UBR4: variants seen among roughly 807,000 people sequenced by gnomAD.
UBR4 encodes the protein E3 ubiquitin-protein ligase UBR4.
A neutral mutation model predicts 575.6 loss-of-function variants in UBR4; 124 were observed. The ratio of observed to expected loss-of-function variants is 0.22; its 90% CI spans 0.19 to 0.25. The LOEUF (loss-of-function observed/expected upper bound fraction) is 0.25, where lower values mean the gene tolerates loss of function less well. Ranked by LOEUF, UBR4 falls within the 10% of genes least tolerant of loss-of-function variation. The pLI is 1.00. For synonymous variants in UBR4, 2,455 were observed against 2,473.7 expected, an observed-to-expected ratio of 0.99 and a Z score of 0.22; for missense variants, 4,818 against 6,478.8, an observed-to-expected ratio of 0.74 and a Z score of 8.80.
chr1:19,185,000 G>A, intron 15 of UBR4, 99 bp downstream of exon 15: 3 of 1,451,042 alleles, frequency 2.1e-6, no homozygotes, highest in South Asian at 2.4e-5. Flanking sequence ...AAACATTACA[G>A]TTATCCAAGC....
intron 3 of UBR4, among the ~76,000 whole-genome samples, chr1:19,199,171 C>T (rs2092622046): frequency 6.6e-6 from 1 of 152,212 alleles, no homozygotes; most frequent in South Asian, 2.1e-4. Context: ...CTGAAATTCT[C>T]ACGCTCAAAT....
rs771557927 is a variant in UBR4 at position 19,167,071 on chromosome 1, G to A, written c.4060C>T (p.Leu1354=). 1.9e-6 allele frequency: 3 copies of A among 1,614,092 alleles called. No homozygotes were observed. In the African/African-American group the frequency reaches 4.0e-5, roughly 22 times the overall value. The stretch of plus-strand genomic sequence containing the variant: ...AGAATGTTGTAACAACCAGTGATCA[G>A]CTTCTCATAAACACGAGCCAAGAAC... The part of the protein sequence containing the change: ...DEFLARVYEK[L]ITGCYNILAN... The change falls in exon 29 of 106, where the codon CTG becomes TTG. Residue 1354 remains leucine (L), a synonymous_variant. Transcript: ENST00000375254.
chr1:19,140,594 A>C (rs2083770836), intron 58 of UBR4, among the ~76,000 whole-genome samples, 194 bp downstream of exon 58: 1 of 152,252 alleles, frequency 6.6e-6, no homozygotes, highest in African/African-American at 2.4e-5. Context: ...GCAAAGTGTG[A>C]GGAAGCGGAG....
At chr1:19,141,883 G>T in intron 55 of UBR4, 106 bp from the exon 56 acceptor site, 1 of 1,504,012 alleles carries the variant, frequency 6.6e-7, no homozygotes, top group South Asian at 1.3e-5. Context: ...CTACCAGCTA[G>T]CACCCTGGGC....
intron 17 of UBR4, among the ~76,000 whole-genome samples, chr1:19,180,541 C>CAAA (rs11409299): frequency 1.3e-4 from 14 of 108,738 alleles, no homozygotes; most frequent in Admixed American, 4.6e-4. Flanking sequence ...TGAAACAATT[C>CAAA]AAAAAAAAAA....
At chr1:19,164,672 G>T in intron 32 of UBR4, 127 bp downstream of exon 32, 3 of 1,297,712 alleles carry the variant, frequency 2.3e-6, no homozygotes, top group Non-Finnish European at 3.2e-6. Context: ...GAATCCTTGA[G>T]TCTAGAGAGA....
At chr1:19,127,780 G>A (rs772548117) in intron 62 of UBR4, 41 bp from the exon 63 acceptor site, 6 of 1,491,894 alleles carry the variant, frequency 4.0e-6, no homozygotes, top group South Asian at 1.1e-5. Flanking sequence ...CTACTTACTC[G>A]ATGCTTGAGG....
chr1:19,128,405 C>T (rs1175272694), intron 61 of UBR4, 87 bp from the exon 62 acceptor site: 3 of 1,095,822 alleles, frequency 2.7e-6, no homozygotes, highest in Non-Finnish European at 1.4e-6. Context: ...AAATCCTAAT[C>T]TTCCTGACAT....
intron 58 of UBR4, among the ~76,000 whole-genome samples, 180 bp downstream of exon 58, chr1:19,140,608 T>G (rs964333132): frequency 6.6e-6 from 1 of 152,214 alleles, no homozygotes; most frequent in African/African-American, 2.4e-5. Context: ...AGCGGAGCTG[T>G]GCGCGGCGGG....
At chr1:19,096,740 G>A (rs1480407004) in intron 91 of UBR4, 90 bp from the exon 92 acceptor site, 4 of 1,522,874 alleles carry the variant, frequency 2.6e-6, no homozygotes, top group East Asian at 2.3e-5. Context: ...ATTCCTGGCT[G>A]ATGGCTGACA....
In UBR4 at chr1:19,164,457, G is replaced by A; in HGVS notation, c.4512-16C>T. ...CCCAACTTGGCTAGGAGAAAAGAAA[G>A]AGCAAGTTGGTGAATAATCAACAGG... On this transcript the variant is annotated splice_polypyrimidine_tract_variant and intron_variant, in intron 32 of 105. Transcript: ENST00000375254. 6.2e-7 allele frequency: 1 copy of A among 1,608,254 alleles called. No individual in the cohort carries two copies. Among genetic ancestry groups the A allele is most frequent in the Non-Finnish European group, 8.5e-7 (1 of 1,176,924 alleles).
rs1300259596 is a variant in UBR4 at position 19,144,925 on chromosome 1, A to T, written c.7946-18T>A. ...AGTTAGTCCTAAAGGAGAGACAAAC[A>T]TTATTTGAAAATCTGGAGGAAAAAA... On this transcript the variant is annotated intron_variant, in intron 53 of 105. Transcript: ENST00000375254. 1.9e-6 allele frequency: 3 copies of T among 1,611,276 alleles called. No individual in the cohort carries two copies. The highest frequency in any genetic ancestry group is 2.5e-6 in the Non-Finnish European group (3 of 1,179,132).
intron 64 of UBR4, chr1:19,125,669 C>T (rs2081651065): frequency 6.6e-6 from 1 of 152,238 alleles, no homozygotes; most frequent in African/African-American, 2.4e-5. Context: ...TAGAGTCAAG[C>T]AGGTGGCTGG....
At chr1:19,187,586 TA>T in intron 11 of UBR4, 46 bp from the exon 12 acceptor site, 1 of 1,585,126 alleles carries the variant, frequency 6.3e-7, no homozygotes, top group African/African-American at 1.4e-5. Flanking sequence ...TAATTAACAA[TA>T]AATTACAACT....
At chr1:19,175,473 CA>C (rs1198946102) in intron 20 of UBR4, among the ~76,000 whole-genome samples, 4 of 152,192 alleles carry the variant, frequency 2.6e-5, no homozygotes, top group Admixed American at 2.0e-4. Context: ...TAAGGCTTCA[CA>C]AAAGTTTCCA....
At chr1:19,099,829 G>A (rs1176533720) in intron 89 of UBR4, 152 bp from the exon 90 acceptor site, 11 of 650,518 alleles carry the variant, frequency 1.7e-5, no homozygotes, top group Non-Finnish European at 2.6e-5. Context: ...AAATCCGCAC[G>A]TATGAAAAAC....
rs766371859 is a variant in UBR4, at chr1:19,140,750, T to C, written c.8593+38A>G. On this transcript the variant is annotated intron_variant, in intron 58 of 105. Transcript: ENST00000375254. ...CAGTGGAAACAAGGCCTGAGGGTCCTGGGGCCCTGAGCCGTGCTCCTTGCT... is the reference window on the plus strand; with the variant it reads ...CAGTGGAAACAAGGCCTGAGGGTCCCGGGGCCCTGAGCCGTGCTCCTTGCT... The C allele has an allele frequency of 3.1e-6, 5 of 1,590,016 alleles. No homozygotes were observed. In the South Asian group the frequency reaches 4.5e-5, roughly 14 times the overall value.
intron 1 of UBR4, among the ~76,000 whole-genome samples, chr1:19,208,901 G>A (rs1334549446): frequency 1.3e-5 from 2 of 152,200 alleles, no homozygotes; most frequent in Admixed American, 6.5e-5. Context: ...AAGCAGCCAC[G>A]TAATTTGAAA....
rs1571232604 is a variant in UBR4, at chr1:19,156,798, T to C, written c.5888A>G (p.Lys1963Arg). 1 of 1,614,102 alleles carries C rather than the reference T, an allele frequency of 6.2e-7. No homozygotes were observed. Among genetic ancestry groups the C allele is most frequent in the African/African-American group, 1.3e-5 (1 of 75,054 alleles). Residue 1963 changes from lysine to arginine, a missense_variant, in exon 41 of 106, where the codon AAG (lysine) becomes AGG (arginine). Transcript: ENST00000375254. The part of the protein sequence containing the change: ...TVLSLTGNPC[K>R]EDYLAVCGLK... ...CCCACAAACCGCCAAGTAGTCTTCC[T>C]TGCAGGGATTTCCTGTGAGGCTCAA... is the stretch of plus-strand genomic sequence containing the variant.
Sources: gnomAD v4.1 joint callset for allele counts (sites outside exome capture counted in the v4.1 genomes callset) on GRCh38, gnomAD v4.1.1 for gene constraint, MANE v1.5 for transcripts, NCBI Gene and HGNC (gene_info 2026-07-23, HGNC 2026-07-21) for gene names.